The following ITPRID1 variants were observed in gnomAD, a reference collection of about 807,000 sequenced individuals.
ITPRID1 encodes the protein protein ITPRID1.
Under a neutral mutation model 95.4 loss-of-function variants are expected in ITPRID1, and 96 were observed. The ratio of observed to expected loss-of-function variants is 1.01; its 90% CI spans 0.85 to 1.19. The LOEUF is 1.19. Among genes scored for constraint, ITPRID1 ranks in the 50% most tolerant of loss-of-function variants. The pLI is 0.00. For synonymous variants in ITPRID1, 510 were observed against 453.6 expected, an observed-to-expected ratio of 1.12 and a Z score of -1.58; for missense variants, 1,339 against 1,252.9, an observed-to-expected ratio of 1.07 and a Z score of -1.04.
At chr7:31,651,822 AG>A in intron 13 of ITPRID1, 116 bp from the exon 14 acceptor site, 1 of 692,042 alleles carries the variant, frequency 1.4e-6, no homozygotes, top group Non-Finnish European at 2.5e-6. Context: ...ACACAAATAA[AG>A]ATGACATTCT....
intron 10 of ITPRID1, among the ~76,000 whole-genome samples, chr7:31,599,352 C>T (rs1170684672): frequency 6.6e-6 from 1 of 151,932 alleles, no homozygotes; most frequent in African/African-American, 2.4e-5. Context: ...GCAACATCTG[C>T]TGTATATTAA....
At chr7:31,520,752 T>C (rs891267282) in intron 1 of ITPRID1, among the ~76,000 whole-genome samples, 12 of 152,148 alleles carry the variant, frequency 7.9e-5, no homozygotes, top group Admixed American at 4.6e-4. Flanking sequence ...GATAGAGGGA[T>C]GAAATATATG....
rs1432696364 is a variant in ITPRID1 at position 31,655,643 on chromosome 7, A to C, written c.*2814A>C. 1.5e-6 allele frequency: 1 copy of C among 670,360 alleles called. No individual in the cohort carries two copies. Among genetic ancestry groups the C allele is most frequent in the East Asian group, 1.4e-4 (1 of 7,358 alleles). 41.5% of individuals were successfully genotyped at this position (670,360 alleles called of 1,614,324 possible). On this transcript the variant is annotated 3_prime_UTR_variant, in exon 15 of 15. Coordinates refer to ENST00000615280, the MANE Select transcript of ITPRID1 (RefSeq NM_001257967.3). ...TGCGCCTCTCGTCGCCTCCCACTGC[A>C]TCATCCCTTTTTGCCACATCCCCAT... is the stretch of plus-strand genomic sequence containing the variant.
At chr7:31,541,924 C>A (rs986748353) in intron 1 of ITPRID1, among the ~76,000 whole-genome samples, 2 of 152,110 alleles carry the variant, frequency 1.3e-5, no homozygotes, top group African/African-American at 4.8e-5. Flanking sequence ...TTGGATGATA[C>A]CCCTTTAGCT....
chr7:31,537,581 A>T (rs1783801140), intron 1 of ITPRID1, among the ~76,000 whole-genome samples: 1 of 152,130 alleles, frequency 6.6e-6, no homozygotes, highest in Non-Finnish European at 1.5e-5. Flanking sequence ...TATACATTTG[A>T]CATTTTATTT....
At chr7:31,555,000 C>A in intron 5 of ITPRID1, 99 bp downstream of exon 5, 2 of 907,354 alleles carry the variant, frequency 2.2e-6, no homozygotes, top group Non-Finnish European at 3.5e-6. Flanking sequence ...TTATCAGAGG[C>A]TTCTAGAAAT....
At chr7:31,641,064 C>T (rs2128207975) in intron 10 of ITPRID1, among the ~76,000 whole-genome samples, 1 of 152,236 alleles carries the variant, frequency 6.6e-6, no homozygotes, top group Non-Finnish European at 1.5e-5. Context: ...CACTTGCTGT[C>T]TTTGCTCAGA....
In ITPRID1 at chr7:31,655,512, A is replaced by G. The variant is rs1412897999; in HGVS notation, c.*2683A>G. ...TTTGCTGGATCTACAGTGAATACCCAGAAAGTACTTTTAGAATAAGCCAGA... is the reference window on the plus strand; with the variant it reads ...TTTGCTGGATCTACAGTGAATACCCGGAAAGTACTTTTAGAATAAGCCAGA... On this transcript the variant is annotated 3_prime_UTR_variant, in exon 15 of 15. Coordinates refer to ENST00000615280, the MANE Select transcript of ITPRID1 (RefSeq NM_001257967.3). Among the ~76,000 whole-genome samples the G allele has an allele frequency of 6.6e-6, 1 of 152,166 alleles. No homozygotes were observed.
intron 10 of ITPRID1, among the ~76,000 whole-genome samples, chr7:31,594,244 T>C (rs1047727553): frequency 1.3e-5 from 2 of 152,208 alleles, no homozygotes; most frequent in Admixed American, 6.5e-5. Context: ...CTTTCTGAGT[T>C]TGTGTAAGTC....
chr7:31,589,352 T>C (rs986096194), intron 10 of ITPRID1, among the ~76,000 whole-genome samples: 3 of 152,076 alleles, frequency 2.0e-5, no homozygotes, highest in Non-Finnish European at 4.4e-5. Context: ...GTATCAAAGG[T>C]CAAATATATA....
chr7:31,577,807 A>G, intron 8 of ITPRID1, 56 bp from the exon 9 acceptor site: 2 of 1,420,690 alleles, frequency 1.4e-6, no homozygotes, highest in East Asian at 2.4e-5. Context: ...CTACGTTAAT[A>G]TGGTTTCAGC....
chr7:31,526,724 G>A (rs7791839), intron 1 of ITPRID1, among the ~76,000 whole-genome samples: 86,874 of 151,890 alleles, frequency 0.57, 26,195 homozygotes, highest in Middle Eastern at 0.7. Flanking sequence ...CAATCAGTCC[G>A]TAAGACCTGC....
chr7:31,583,167 C>T lies in ITPRID1; in HGVS notation c.1204C>T (p.Leu402Phe). The T allele has an allele frequency of 6.2e-7, 1 of 1,611,418 alleles. No individual in the cohort carries two copies. Among genetic ancestry groups the T allele is most frequent in the Non-Finnish European group, 8.5e-7 (1 of 1,177,930 alleles). Residue 402 changes from leucine (L) to phenylalanine (F), a missense_variant, in exon 10 of 15, where the codon CTT becomes TTT. Transcript: ENST00000615280. ...CTTTGAAGAAGAGACTGGTAATCCTCTTGACATGACTTCAGGAACTGTAGG... is the reference window on the plus strand; with the variant it reads ...CTTTGAAGAAGAGACTGGTAATCCTTTTGACATGACTTCAGGAACTGTAGG... ...QSFEEETGNP[L>F]DMTSGTVGAR... is the part of the protein sequence containing the mutation.
rs144026098 is a variant in ITPRID1 at position 31,560,608 on chromosome 7, T to G, written c.256+5707T>G. 8.5e-4 allele frequency among the ~76,000 whole-genome samples: 130 copies of G among 152,210 alleles called. 1 individual carries two copies. The East Asian group carries it at 0.024, about 28-fold the overall frequency. On this transcript the variant is annotated intron_variant, in intron 5 of 14. Transcript: ENST00000615280. Reference sequence around the variant, plus strand: ...AGACAGGGCAGCATATGCTGGTGAATGTATGTGGGATATCAAAGAAAGAAG... The same window carrying G: ...AGACAGGGCAGCATATGCTGGTGAAGGTATGTGGGATATCAAAGAAAGAAG...
At chr7:31,585,141 A>G (rs1461813694) in intron 10 of ITPRID1, among the ~76,000 whole-genome samples, 29 of 152,216 alleles carry the variant, frequency 1.9e-4, no homozygotes, top group Admixed American at 1.8e-3. Context: ...ATGCAACTAC[A>G]TGAGAGAATC....
chr7:31,598,878 C>T (rs1294988534), intron 10 of ITPRID1, among the ~76,000 whole-genome samples: 2 of 152,024 alleles, frequency 1.3e-5, no homozygotes, highest in African/African-American at 4.8e-5. Context: ...ATTTTAGACC[C>T]AAATGATTGG....
rs950979745 is a variant in ITPRID1 at position 31,574,569 on chromosome 7, T to C, written c.425T>C (p.Ile142Thr). ...SIPEWLEFWE[I>T]DPVEILLDLG... ...CCTGAATGGCTGGAATTTTGGGAGA[T>C]AGATCCAGTGGAGATTCTCTTGGAT... Residue 142 changes from isoleucine (I) to threonine (T), a missense_variant, in exon 8 of 15, where the codon ATA (isoleucine) becomes ACA (threonine). By Grantham distance (89) the Ile-to-Thr change is moderately conservative (BLOSUM62 -1). Transcript: ENST00000615280. 4 of 1,613,602 alleles carry C rather than the reference T, an allele frequency of 2.5e-6. No homozygotes were observed. The African/African-American group carries it at 5.3e-5, about 22-fold the overall frequency.
chr7:31,559,331 TG>T (rs757065681), intron 5 of ITPRID1, among the ~76,000 whole-genome samples: 6 of 152,150 alleles, frequency 3.9e-5, no homozygotes, highest in African/African-American at 7.2e-5. Flanking sequence ...TGAGCTTTTA[TG>T]GTGCTCTACT....
rs1791001846 is a variant in ITPRID1, at chr7:31,652,002, A to C, written c.2775A>C (p.Glu925Asp). ...EALRQQVAEL[E>D]FQLGDRAQQI... is the part of the protein sequence containing the mutation. ...TGAGGCAGCAGGTGGCAGAGTTGGA[A>C]TTTCAGTTAGGAGACCGGGCTCAGC... Residue 925 changes from glutamate to aspartate, a missense_variant, in exon 14 of 15, where the codon GAA (glutamate) becomes GAC (aspartate). Glu to Asp is a conservative substitution (Grantham distance 45). Transcript: ENST00000615280. 1.2e-6 allele frequency: 2 copies of C among 1,605,948 alleles called. No individual in the cohort carries two copies. Among genetic ancestry groups the C allele is most frequent in the South Asian group, 2.3e-5 (2 of 88,880 alleles).
Sources: allele counts gnomAD v4.1 joint callset (sites outside exome capture counted in the v4.1 genomes callset), GRCh38; gene constraint gnomAD v4.1.1; transcripts MANE v1.5; gene names NCBI Gene and HGNC (gene_info 2026-07-23, HGNC 2026-07-21).